HACD2: variants seen among roughly 807,000 people sequenced by gnomAD.
HACD2 encodes 3-hydroxyacyl-CoA dehydratase 2.
HACD2 carries 15 observed loss-of-function variants against 31.0 expected under a neutral mutation model. That is an observed-to-expected ratio of 0.48 (90% confidence interval 0.32 to 0.75). The LOEUF (loss-of-function observed/expected upper bound fraction) is 0.75, where lower values mean the gene tolerates loss of function less well. Ranked by LOEUF, HACD2 falls within the 30% of genes least tolerant of loss-of-function variation. The probability of loss-of-function intolerance (pLI) is 0.03; values close to 1 mark genes in which losing one functional copy is unlikely to be tolerated. For missense variants in HACD2, 283 were observed against 313.0 expected (o/e 0.90, Z 0.72); for synonymous variants, 115 against 122.2 (o/e 0.94, Z 0.39).
At position 123,494,807 on chromosome 3, in the gene HACD2, A is replaced by T; in HGVS notation, c.*81T>A. 1 of 858,822 alleles carries T rather than the reference A, an allele frequency of 1.2e-6. No homozygotes were observed. Among genetic ancestry groups the T allele is most frequent in the Admixed American group, 2.5e-5 (1 of 40,676 alleles). The allele number at this position is 858,822 out of a possible 1,614,324, so 53.2% of individuals were successfully genotyped here. A position where few individuals can be genotyped will look rare whatever the true frequency, so the allele number is the denominator to read the frequency against. ...ATAGTTCTTACTTATTTTCTATGAA[A>T]CGTATTGGGAACTCAAAAAATCTGC... On this transcript the variant is annotated 3_prime_UTR_variant, in exon 7 of 7. Coordinates refer to ENST00000383657, the MANE Select transcript of HACD2 (RefSeq NM_198402.5).
chr3:123,543,664 GA>G (rs903066681), intron 3 of HACD2: 15 of 415,238 alleles, frequency 3.6e-5, no homozygotes, highest in African/African-American at 1.3e-4. Flanking sequence ...TATATTAAAG[GA>G]AAAAAAACTG....
At chr3:123,575,602 C>G (rs1576243852) in intron 2 of HACD2, among the ~76,000 whole-genome samples, 1 of 152,306 alleles carries the variant, frequency 6.6e-6, no homozygotes, top group Admixed American at 6.5e-5. Flanking sequence ...TAACAGCTAA[C>G]TACTCTGATT....
chr3:123,533,473 A>G (rs948413491), intron 3 of HACD2, among the ~76,000 whole-genome samples: 3 of 152,248 alleles, frequency 2.0e-5, no homozygotes, highest in Non-Finnish European at 4.4e-5. Context: ...CACTTCTTGC[A>G]GTCAATCCCA....
intron 3 of HACD2, among the ~76,000 whole-genome samples, chr3:123,562,646 C>T (rs2056746837): frequency 6.6e-6 from 1 of 152,136 alleles, no homozygotes; most frequent in Admixed American, 6.5e-5. Context: ...TTAATTTTCA[C>T]AGCAATCTGT....
chr3:123,557,090 G>A (rs1299863260), intron 3 of HACD2, among the ~76,000 whole-genome samples: 1 of 152,222 alleles, frequency 6.6e-6, no homozygotes, highest in Non-Finnish European at 1.5e-5. Context: ...CCCTAAAACA[G>A]GGGTCCCCAG....
intron 4 of HACD2, among the ~76,000 whole-genome samples, chr3:123,514,703 A>G (rs746045702): frequency 9.2e-5 from 14 of 152,354 alleles, no homozygotes; most frequent in Non-Finnish European, 1.5e-4. Flanking sequence ...CAAGCCGAAG[A>G]CAAGGTCACA....
chr3:123,569,529 T>G (rs1296254651), intron 2 of HACD2, among the ~76,000 whole-genome samples: 1 of 152,042 alleles, frequency 6.6e-6, no homozygotes, highest in East Asian at 1.9e-4. Flanking sequence ...GCCTGGCTAA[T>G]TTTTGTATTT....
intron 3 of HACD2, among the ~76,000 whole-genome samples, chr3:123,565,735 T>C (rs1488851806): frequency 6.6e-6 from 1 of 152,176 alleles, no homozygotes; most frequent in Non-Finnish European, 1.5e-5. Context: ...CAGGGTTCAG[T>C]CATGTGGAGA....
intron 3 of HACD2, among the ~76,000 whole-genome samples, chr3:123,544,967 G>A (rs564511046): frequency 1.1e-4 from 16 of 148,510 alleles, no homozygotes; most frequent in Admixed American, 2.0e-4. Flanking sequence ...CCAGCTACTC[G>A]GGAGGCTGAG....
At chr3:123,508,890 T>C (rs2056013373) in intron 4 of HACD2, among the ~76,000 whole-genome samples, 1 of 152,180 alleles carries the variant, frequency 6.6e-6, no homozygotes, top group Non-Finnish European at 1.5e-5. Context: ...GGTCTTTTCC[T>C]GACTTGCAGA....
At chr3:123,515,920 C>T (rs542686287) in intron 4 of HACD2, among the ~76,000 whole-genome samples, 59 of 152,106 alleles carry the variant, frequency 3.9e-4, no homozygotes, top group African/African-American at 1.4e-3. Context: ...CCATGCCCGG[C>T]TAAATTTTTG....
At chr3:123,495,768 T>G (rs1185969670) in intron 6 of HACD2, among the ~76,000 whole-genome samples, 1 of 152,138 alleles carries the variant, frequency 6.6e-6, no homozygotes, top group Non-Finnish European at 1.5e-5. Context: ...TTTGACTATT[T>G]GGAAATAAGG....
At chr3:123,505,232 C>G in intron 4 of HACD2, among the ~76,000 whole-genome samples, 1 of 152,110 alleles carries the variant, frequency 6.6e-6, no homozygotes, top group East Asian at 1.9e-4. Context: ...AGAGTAGAGA[C>G]AGAAGGTTGC....
chr3:123,504,145 G>A (rs2055943530), intron 4 of HACD2, among the ~76,000 whole-genome samples: 1 of 152,176 alleles, frequency 6.6e-6, no homozygotes, highest in Admixed American at 6.5e-5. Flanking sequence ...AGATTTTTCA[G>A]TCTGTCTCCA....
intron 4 of HACD2, among the ~76,000 whole-genome samples, chr3:123,517,887 T>C (rs1268065792): frequency 6.6e-6 from 1 of 152,212 alleles, no homozygotes; most frequent in African/African-American, 2.4e-5. Flanking sequence ...TGTTTGGGCT[T>C]GTACAGTGCT....
rs2056166953 is a variant in HACD2 at position 123,517,924 on chromosome 3, G to T, written c.381+10462C>A. 1.2e-3 allele frequency among the ~76,000 whole-genome samples: 2 copies of T among 1,680 alleles called. 1 individual carries two copies. The highest frequency in any genetic ancestry group is 0.045 in the Non-Finnish European group (2 of 44). The allele number at this position is 1,680 out of a possible 152,430, so 1.1% of individuals were successfully genotyped here. On this transcript the variant is annotated intron_variant, in intron 4 of 6. Coordinates refer to ENST00000383657, the MANE Select transcript of HACD2 (RefSeq NM_198402.5). ...TAAAAATATTTGGGCCGGGCGCGGT[G>T]GCTCACGCCTGTAATCCCAGCACTT... is the stretch of plus-strand genomic sequence containing the variant.
chr3:123,522,425 T>G (rs1296795713), intron 4 of HACD2, among the ~76,000 whole-genome samples: 2 of 151,830 alleles, frequency 1.3e-5, no homozygotes, highest in South Asian at 2.1e-4. Context: ...AATAAAATCT[T>G]CATACACAGT....
chr3:123,500,002 T>C (rs982930341), intron 6 of HACD2, among the ~76,000 whole-genome samples: 1 of 152,206 alleles, frequency 6.6e-6, no homozygotes, highest in Non-Finnish European at 1.5e-5. Context: ...TCCCAATCAG[T>C]GCTCAACAAG....
At chr3:123,529,789 G>A (rs2107708252) in intron 3 of HACD2, among the ~76,000 whole-genome samples, 1 of 152,130 alleles carries the variant, frequency 6.6e-6, no homozygotes, top group East Asian at 1.9e-4. Flanking sequence ...ATAAAACCTG[G>A]TTATATAATT....
Sources: allele counts gnomAD v4.1 joint callset (sites outside exome capture counted in the v4.1 genomes callset), GRCh38; gene constraint gnomAD v4.1.1; transcripts MANE v1.5; gene names NCBI Gene and HGNC (gene_info 2026-07-23, HGNC 2026-07-21).